The following CTNND2 variants were observed in gnomAD, a reference collection of about 807,000 sequenced individuals.
CTNND2 encodes catenin delta 2.
CTNND2 carries 22 observed loss-of-function variants against 144.4 expected under a neutral mutation model. The observed-to-expected ratio is 0.15, with a 90% CI of 0.11 to 0.22. CTNND2 has a LOEUF of 0.22. Among genes scored for constraint, CTNND2 ranks in the 10% least tolerant of loss-of-function variants. The pLI is 1.00. For missense variants in CTNND2, 1,353 were observed against 1,618.8 expected (o/e 0.84, Z 2.82); for synonymous variants, 751 against 695.6 (o/e 1.08, Z -1.25).
Position 11,164,511 on chromosome 5 carries a change from G to A in CTNND2, c.1976-4752C>T, listed in dbSNP as rs567457464. ...TACATGCATGGTTCTGTTTGACGTG[G>A]AGTGGAGACATCAGTGAAGAAAACA... is the stretch of plus-strand genomic sequence containing the variant. On this transcript the variant is annotated intron_variant, in intron 11 of 21. Transcript: ENST00000304623. Among the ~76,000 whole-genome samples the A allele has an allele frequency of 3.9e-5, 6 of 152,178 alleles. No individual in the cohort carries two copies. The East Asian group carries it at 1.2e-3, about 29-fold the overall frequency.
chr5:11,125,700 C>A (rs538513813), intron 12 of CTNND2, among the ~76,000 whole-genome samples: 33 of 152,328 alleles, frequency 2.2e-4, no homozygotes, highest in African/African-American at 7.7e-4. Flanking sequence ...TTCACAGTAG[C>A]ATTGGCAATT....
intron 11 of CTNND2, among the ~76,000 whole-genome samples, chr5:11,177,838 T>C (rs892203971): frequency 3.9e-5 from 6 of 152,204 alleles, no homozygotes; most frequent in Non-Finnish European, 7.4e-5. Context: ...AGGTGAATTA[T>C]GATTTGTGAT....
At chr5:11,187,161 T>A (rs569466507) in intron 11 of CTNND2, among the ~76,000 whole-genome samples, 1 of 152,176 alleles carries the variant, frequency 6.6e-6, no homozygotes, top group South Asian at 2.1e-4. Context: ...AAAGAAGGGG[T>A]ATTAAGCTTG....
intron 3 of CTNND2, among the ~76,000 whole-genome samples, chr5:11,485,902 C>A (rs1438026612): frequency 6.6e-6 from 1 of 151,982 alleles, no homozygotes; most frequent in African/African-American, 2.4e-5. Flanking sequence ...AAGAGTAAAT[C>A]AAATTAAAAT....
intron 9 of CTNND2, among the ~76,000 whole-genome samples, chr5:11,340,871 T>G (rs772031704): frequency 1.3e-5 from 2 of 152,336 alleles, no homozygotes; most frequent in South Asian, 2.1e-4. Flanking sequence ...ATAGAGATTT[T>G]GGGATGATTA....
At chr5:11,330,498 A>AAAG (rs1204581576) in intron 9 of CTNND2, among the ~76,000 whole-genome samples, 2 of 149,438 alleles carry the variant, frequency 1.3e-5, no homozygotes, top group Non-Finnish European at 3.0e-5. Flanking sequence ...AAAAAAAAAA[A>AAAG]AAAAAAAAAA....
intron 9 of CTNND2, among the ~76,000 whole-genome samples, chr5:11,243,153 T>C (rs1742633550): frequency 6.6e-6 from 1 of 152,238 alleles, no homozygotes; most frequent in African/African-American, 2.4e-5. Flanking sequence ...CTGCTTCAGC[T>C]AGCAGTACAA....
intron 15 of CTNND2, chr5:11,083,822 C>A: frequency 1.0e-6 from 1 of 979,122 alleles, no homozygotes; most frequent in Non-Finnish European, 1.3e-6. Flanking sequence ...AGTCCCCCCA[C>A]CAGGCCACCT....
intron 9 of CTNND2, among the ~76,000 whole-genome samples, chr5:11,323,224 T>C: frequency 1.4e-5 from 1 of 70,770 alleles, no homozygotes; most frequent in African/African-American, 4.9e-5. Context: ...CAAAAACATT[T>C]AGAGATTGGG....
At chr5:11,202,615 G>T (rs1737581313) in intron 10 of CTNND2, among the ~76,000 whole-genome samples, 1 of 152,058 alleles carries the variant, frequency 6.6e-6, no homozygotes, top group Non-Finnish European at 1.5e-5. Context: ...GGGATGGCCA[G>T]GTCCTTGGTT....
At chr5:11,536,695 A>G (rs1389698354) in intron 3 of CTNND2, among the ~76,000 whole-genome samples, 2 of 152,036 alleles carry the variant, frequency 1.3e-5, no homozygotes, top group East Asian at 3.9e-4. Context: ...AAGGCATAAG[A>G]ATAATACATT....
At chr5:11,402,511 C>T (rs1760724641) in intron 5 of CTNND2, among the ~76,000 whole-genome samples, 1 of 152,226 alleles carries the variant, frequency 6.6e-6, no homozygotes, top group Non-Finnish European at 1.5e-5. Context: ...TTTGTAGCAG[C>T]AGTTTCACCT....
intron 6 of CTNND2, among the ~76,000 whole-genome samples, chr5:11,389,155 G>C (rs1268227919): frequency 6.6e-6 from 1 of 152,152 alleles, no homozygotes; most frequent in Non-Finnish European, 1.5e-5. Context: ...TTCATTCTCA[G>C]CTCTTTGGAT....
chr5:11,516,122 AGTTT>A (rs1772144679), intron 3 of CTNND2, among the ~76,000 whole-genome samples: 1 of 152,098 alleles, frequency 6.6e-6, no homozygotes, highest in Non-Finnish European at 1.5e-5. Context: ...AAATTTACTT[AGTTT>A]AAGTGCAATA....
Position 11,846,590 on chromosome 5 carries a change from A to G in CTNND2, c.37+57227T>C, listed in dbSNP as rs149224695. On this transcript the variant is annotated intron_variant, in intron 1 of 21. Transcript: ENST00000304623. ...GCAGAGACAATAAAAGCAAAAATAG[A>G]CTAATGGGATTACATCAAACTCAAA... is the stretch of plus-strand genomic sequence containing the variant. Among the ~76,000 whole-genome samples the G allele has an allele frequency of 6.4e-3, 969 of 152,256 alleles. 12 individuals carry two copies. The highest frequency in any genetic ancestry group is 0.018 in the African/African-American group (764 of 41,570).
intron 2 of CTNND2, among the ~76,000 whole-genome samples, chr5:11,595,875 C>T (rs1007242207): frequency 1.3e-5 from 2 of 152,200 alleles, no homozygotes; most frequent in Non-Finnish European, 2.9e-5. Context: ...TAAAGAAACA[C>T]ATCTGCTATA....
chr5:11,604,737 C>CA (rs1289816542), intron 2 of CTNND2, among the ~76,000 whole-genome samples: 1 of 152,122 alleles, frequency 6.6e-6, no homozygotes, highest in African/African-American at 2.4e-5. Context: ...CCCAAGATCT[C>CA]AAAAAATATT....
At chr5:11,394,978 G>A (rs998961116) in intron 6 of CTNND2, among the ~76,000 whole-genome samples, 14 of 152,158 alleles carry the variant, frequency 9.2e-5, no homozygotes, top group African/African-American at 3.1e-4. Context: ...GTTAGCCATC[G>A]TTTGAATTAT....
intron 1 of CTNND2, among the ~76,000 whole-genome samples, chr5:11,858,435 C>T (rs1004286591): frequency 2.0e-5 from 3 of 152,136 alleles, no homozygotes; most frequent in Non-Finnish European, 2.9e-5. Context: ...AAAATTGCTG[C>T]TGCAAATGTA....
Sources: allele counts gnomAD v4.1 joint callset (sites outside exome capture counted in the v4.1 genomes callset), GRCh38; gene constraint gnomAD v4.1.1; transcripts MANE v1.5; gene names NCBI Gene and HGNC (gene_info 2026-07-23, HGNC 2026-07-21).